The following EYS variants were observed in gnomAD, a reference collection of about 807,000 sequenced individuals.
The protein encoded by EYS is protein eyes shut homolog.
EYS carries 250 observed loss-of-function variants against 282.1 expected under a neutral mutation model. The ratio of observed to expected loss-of-function variants is 0.89; its 90% CI spans 0.80 to 0.98. The LOEUF (loss-of-function observed/expected upper bound fraction) is 0.98, where lower values mean the gene tolerates loss of function less well. EYS is among the 50% of genes least tolerant of loss of function. The probability of loss-of-function intolerance (pLI) is 0.00; values close to 1 mark genes in which losing one functional copy is unlikely to be tolerated. For missense variants in EYS, 4,016 were observed against 3,709.0 expected (o/e 1.08, Z -2.15); for synonymous variants, 1,355 against 1,282.9 (o/e 1.06, Z -1.20).
chr6:64,831,448 A>T (rs1277014857), intron 19 of EYS, among the ~76,000 whole-genome samples: 1 of 151,942 alleles, frequency 6.6e-6, no homozygotes, highest in Non-Finnish European at 1.5e-5. Flanking sequence ...TCTCCAAGGA[A>T]CTTTTACTGA....
intron 1 of EYS, among the ~76,000 whole-genome samples, chr6:65,674,157 T>A (rs527236648): frequency 1.3e-5 from 2 of 151,900 alleles, no homozygotes; most frequent in South Asian, 4.2e-4. Flanking sequence ...TGTGACTCCA[T>A]CAAGGGAACA....
chr6:64,646,428 C>T (rs182947025), intron 22 of EYS, among the ~76,000 whole-genome samples: 1 of 152,028 alleles, frequency 6.6e-6, no homozygotes, highest in Non-Finnish European at 1.5e-5. Context: ...GACATTTAAC[C>T]TTCTTTTCCC....
chr6:64,858,464 T>C (rs1311370924), intron 19 of EYS, among the ~76,000 whole-genome samples: 1 of 152,156 alleles, frequency 6.6e-6, no homozygotes, highest in Non-Finnish European at 1.5e-5. Context: ...TGTGTCTCTC[T>C]TTTTATGCTA....
intron 32 of EYS, among the ~76,000 whole-genome samples, chr6:64,075,954 T>C (rs78932387): frequency 0.011 from 1,664 of 152,064 alleles, 14 homozygotes; most frequent in African/African-American, 0.038. Context: ...TCTGATTTTG[T>C]AAATCTTAAT....
chr6:65,370,369 C>T (rs1255576855), intron 8 of EYS, among the ~76,000 whole-genome samples: 1 of 149,174 alleles, frequency 6.7e-6, no homozygotes, highest in African/African-American at 2.5e-5. Flanking sequence ...GATTATCCTA[C>T]TCCAGCTTCC....
intron 8 of EYS, 96 bp from the exon 9 acceptor site, chr6:65,353,713 T>A: frequency 3.0e-6 from 3 of 1,013,256 alleles, no homozygotes; most frequent in Non-Finnish European, 3.0e-6. Flanking sequence ...AAAACCACAG[T>A]GATTATAGAA....
chr6:65,492,879 A>G (rs1766099552), intron 4 of EYS, among the ~76,000 whole-genome samples: 1 of 152,144 alleles, frequency 6.6e-6, no homozygotes, highest in Non-Finnish European at 1.5e-5. Context: ...TTTACAGCCT[A>G]CAATGGCTTA....
intron 11 of EYS, among the ~76,000 whole-genome samples, chr6:65,328,016 T>C (rs752015496): frequency 7.3e-5 from 11 of 151,620 alleles, no homozygotes; most frequent in Non-Finnish European, 1.2e-4. Context: ...CATGCCAATA[T>C]GTGACATGAA....
intron 26 of EYS, among the ~76,000 whole-genome samples, chr6:64,495,084 C>T (rs7770296): frequency 0.052 from 7,849 of 151,706 alleles, 678 homozygotes; most frequent in African/African-American, 0.18. Flanking sequence ...AAGCCTACTT[C>T]TCTCAGTAGA....
intron 14 of EYS, among the ~76,000 whole-genome samples, chr6:64,952,496 C>G (rs961492660): frequency 3.3e-5 from 5 of 152,002 alleles, no homozygotes; most frequent in Non-Finnish European, 5.9e-5. Flanking sequence ...AAAATGTTCT[C>G]ATATACTGTG....
intron 14 of EYS, among the ~76,000 whole-genome samples, chr6:64,967,243 T>C (rs924627234): frequency 1.8e-4 from 28 of 152,262 alleles, no homozygotes; most frequent in African/African-American, 6.5e-4. Context: ...TTAGAAAGAC[T>C]CTGCTTATTT....
intron 35 of EYS, among the ~76,000 whole-genome samples, chr6:63,916,915 C>T (rs369420762): frequency 6.6e-6 from 1 of 152,104 alleles, no homozygotes; most frequent in East Asian, 1.9e-4. Flanking sequence ...GTGTATTTAC[C>T]CCACAGGAAC....
At chr6:65,346,373 T>C (rs1318517866) in intron 9 of EYS, among the ~76,000 whole-genome samples, 1 of 146,136 alleles carries the variant, frequency 6.8e-6, no homozygotes, top group Non-Finnish European at 1.5e-5. Flanking sequence ...ATAACATTTT[T>C]AGAGAGAGAA....
intron 26 of EYS, among the ~76,000 whole-genome samples, chr6:64,589,990 A>G (rs936423349): frequency 3.3e-5 from 5 of 152,096 alleles, no homozygotes; most frequent in African/African-American, 1.2e-4. Context: ...GCTTGACAGC[A>G]GTATAGCTGT....
chr6:65,306,713 G>T, intron 11 of EYS, among the ~76,000 whole-genome samples: 1 of 145,348 alleles, frequency 6.9e-6, no homozygotes, highest in East Asian at 2.0e-4. Context: ...GGTGCCTGTA[G>T]TCCCAGCTAC....
chr6:64,464,574 A>G (rs1305482158), intron 26 of EYS, among the ~76,000 whole-genome samples: 1 of 152,132 alleles, frequency 6.6e-6, no homozygotes, highest in Non-Finnish European at 1.5e-5. Flanking sequence ...CATTAGAACT[A>G]ACAAACAAAT....
chr6:65,031,783 A>G (rs1195918329), intron 13 of EYS, among the ~76,000 whole-genome samples: 1 of 152,122 alleles, frequency 6.6e-6, no homozygotes, highest in Non-Finnish European at 1.5e-5. Context: ...AGAGTTAGGA[A>G]GATATCAGAT....
intron 41 of EYS, among the ~76,000 whole-genome samples, chr6:63,751,596 A>C (rs2149648661): frequency 6.6e-6 from 1 of 152,284 alleles, no homozygotes; most frequent in East Asian, 1.9e-4. Flanking sequence ...TTTCAATTTA[A>C]GCAGTCTGAC....
rs150984622 is a variant in EYS, at chr6:64,000,440, C to G, written c.6726-1257G>C. Among the ~76,000 whole-genome samples the G allele has an allele frequency of 3.3e-3, 506 of 151,092 alleles. 2 individuals are homozygous for G. The highest frequency in any genetic ancestry group is 0.012 in the African/African-American group (485 of 41,180). ...TCTCCTGACCTCGTGATCCATCCCC[C>G]CTCCCAACCTCGGCCTCCCAAAGTG... On this transcript the variant is annotated intron_variant, in intron 33 of 42. Coordinates refer to ENST00000503581, the MANE Select transcript of EYS (RefSeq NM_001142800.2).
Sources: allele counts gnomAD v4.1 joint callset (sites outside exome capture counted in the v4.1 genomes callset), GRCh38; gene constraint gnomAD v4.1.1; transcripts MANE v1.5; gene names NCBI Gene and HGNC (gene_info 2026-07-23, HGNC 2026-07-21).